Variants in ZFP28 observed in about 807,000 individuals in gnomAD.
ZFP28 encodes ZFP28 zinc finger protein.
In ZFP28, 31 loss-of-function variants were observed where a neutral mutation model predicts 39.5. The ratio of observed to expected loss-of-function variants is 0.79; its 90% CI spans 0.59 to 1.06. ZFP28 has a LOEUF of 1.06. Ranked by LOEUF, ZFP28 falls within the 50% of genes least tolerant of loss-of-function variation. ZFP28 has a pLI of 0.00. For synonymous variants in ZFP28, 400 were observed against 378.6 expected (o/e 1.06, Z -0.66); for missense variants, 925 against 1,048.4 (o/e 0.88, Z 1.63).
chr19:56,539,652 C>A lies in ZFP28; in HGVS notation c.236C>A (p.Pro79His). 6.2e-7 allele frequency: 1 copy of A among 1,614,098 alleles called. No individual in the cohort carries two copies. The highest frequency in any genetic ancestry group is 1.1e-5 in the South Asian group (1 of 91,076). ...RALPSRDTAL[P>H]QERNKKLEAV... is the part of the protein sequence containing the mutation. ...CTGCCTTCCAGGGACACTGCTCTTC[C>A]CCAGGAGAGAAACAAGAAGCTGGAG... is the stretch of plus-strand genomic sequence containing the variant. The change falls in exon 2 of 8, where the codon CCC becomes CAC. Residue 79 changes from proline (P) to histidine (H), a missense_variant. Around this residue, in one of 2 missense-constraint regions of ZFP28, gnomAD observed 556 missense variants for 542.9 expected, o/e 1.02. Transcript: ENST00000301318.
Position 56,549,104 on chromosome 19 carries a change from C to G in ZFP28, c.670C>G (p.Leu224Val), listed in dbSNP as rs779970138. Residue 224 changes from leucine (L) to valine (V), a missense_variant, in exon 5 of 8, where the codon CTG becomes GTG. Physicochemically the swap from Leu to Val is conservative, Grantham distance 32. Coordinates refer to ENST00000301318, the MANE Select transcript of ZFP28 (RefSeq NM_020828.2). The stretch of plus-strand genomic sequence containing the variant: ...AGGGGAACACTGGGATTATGATGCT[C>G]TGTTTGAGACACAGCCGGTAAGTCA... ...LLGEHWDYDALFETQPGLVTI... is the reference protein window; with the variant it reads ...LLGEHWDYDAVFETQPGLVTI... 3 of 1,607,312 alleles carry G rather than the reference C, an allele frequency of 1.9e-6. No individual in the cohort carries two copies. The highest frequency in any genetic ancestry group is 4.5e-5 in the East Asian group (2 of 44,716).
chr19:56,550,805 C>A, intron 7 of ZFP28, 200 bp downstream of exon 7: 1 of 1,503,880 alleles, frequency 6.6e-7, no homozygotes, highest in South Asian at 1.3e-5. Context: ...TGCCATTTCC[C>A]TGAAGTTCCT....
chr19:56,549,420 G>T (rs2044273662), intron 5 of ZFP28, among the ~76,000 whole-genome samples: 1 of 152,136 alleles, frequency 6.6e-6, no homozygotes, highest in East Asian at 1.9e-4. Flanking sequence ...GCTCACGCCT[G>T]TAATCCCAGC....
chr19:56,540,647 T>A (rs2044187855), intron 2 of ZFP28, among the ~76,000 whole-genome samples: 1 of 152,244 alleles, frequency 6.6e-6, no homozygotes, highest in East Asian at 1.9e-4. Context: ...TTGTGCTGGA[T>A]GAGGCCACAG....
At chr19:56,549,406 G>A (rs374528866) in intron 5 of ZFP28, among the ~76,000 whole-genome samples, 18 of 149,688 alleles carry the variant, frequency 1.2e-4, no homozygotes, top group East Asian at 5.8e-4. Flanking sequence ...GGCCAGGCGC[G>A]GTGGCTCACG....
chr19:56,538,798 GGGGCGGGGCGGGGCGGGGCGGGGC>G (rs2044160428), upstream of ZFP28: 1 of 114,032 alleles, frequency 8.8e-6, no homozygotes, highest in Admixed American at 8.4e-5. Context: ...GGGGCGGGGC[GGGGCGGGGCGGGGCGGGGCGGGGC>G]GGGGCGGGGC....
Position 56,539,163 on chromosome 19 carries a change from T to G in ZFP28, c.145T>G (p.Ser49Ala), listed in dbSNP as rs1212447903. The G allele has an allele frequency of 6.2e-7, 1 of 1,601,336 alleles. No individual in the cohort carries two copies. The highest frequency in any genetic ancestry group is 2.3e-5 in the East Asian group (1 of 44,416). ...CCTCCCTGCCCGGGGAAGGCCGCGC[T>G]CAAGGAATGGCCTCGCATCCAAAGG... Reference protein sequence around the residue: ...LALPARGRPRSRNGLASKGQR... With the variant: ...LALPARGRPRARNGLASKGQR... Residue 49 changes from serine to alanine, a missense_variant, in exon 1 of 8, where the codon TCA (serine) becomes GCA (alanine). Coordinates refer to ENST00000301318, the MANE Select transcript of ZFP28 (RefSeq NM_020828.2).
Position 56,539,041 on chromosome 19 carries a change from G to A in ZFP28, c.23G>A (p.Ser8Asn). The A allele has an allele frequency of 6.8e-7, 1 of 1,469,604 alleles. No homozygotes were observed. The highest frequency in any genetic ancestry group is 9.0e-7 in the Non-Finnish European group (1 of 1,117,170). The allele number at this position is 1,469,604 out of a possible 1,614,324, so 91.0% of individuals were successfully genotyped here. The change falls in exon 1 of 8, where the codon AGT becomes AAT. Residue 8 changes from serine to asparagine, a missense_variant. Around this residue, in one of 2 missense-constraint regions of ZFP28, gnomAD observed 556 missense variants for 542.9 expected, o/e 1.02. Transcript: ENST00000301318. Reference protein sequence around the residue: MRGAASASVREPTPLPGR... With the variant: MRGAASANVREPTPLPGR... ...GACATGCGGGGGGCGGCGAGCGCGA[G>A]TGTCCGCGAGCCGACGCCGCTCCCG...
chr19:56,546,953 G>A (rs1163678280), intron 2 of ZFP28: 1 of 152,296 alleles, frequency 6.6e-6, no homozygotes, highest in Non-Finnish European at 1.5e-5. Context: ...TGGAGTTTAA[G>A]ACAGAATGAG....
At position 56,539,244 on chromosome 19, in the gene ZFP28, T is replaced by G; in HGVS notation, c.208+18T>G. ...GCACAGAGGTGAGAGTGACAGGTGT[T>G]TGGGGCCGAGCGGACAGGGACGAAT... On this transcript the variant is annotated intron_variant, in intron 1 of 7. Coordinates refer to ENST00000301318, the MANE Select transcript of ZFP28 (RefSeq NM_020828.2). 6.3e-7 allele frequency: 1 copy of G among 1,581,532 alleles called. No homozygotes were observed. Among genetic ancestry groups the G allele is most frequent in the African/African-American group, 1.3e-5 (1 of 74,302 alleles).
intron 7 of ZFP28, chr19:56,551,256 A>G: frequency 1.0e-6 from 1 of 986,712 alleles, no homozygotes; most frequent in Non-Finnish European, 1.2e-6. Context: ...CTTGATGCAC[A>G]AGGGAAAGAA....
chr19:56,543,484 A>G (rs1261213296), intron 2 of ZFP28, among the ~76,000 whole-genome samples: 1 of 151,862 alleles, frequency 6.6e-6, no homozygotes, highest in Admixed American at 6.6e-5. Context: ...GGTGTACTAC[A>G]GCCTCAAACT....
chr19:56,549,803 G>GGTTCATACTGTGTGTAA (rs963388906), intron 5 of ZFP28, among the ~76,000 whole-genome samples: 20 of 152,118 alleles, frequency 1.3e-4, no homozygotes, highest in Non-Finnish European at 2.5e-4. Context: ...TCTGTTAAAA[G>GGTTCATACTGTGTGTAA]GTTCATACTG....
At position 56,554,457 on chromosome 19, in the gene ZFP28, G is replaced by GA; in HGVS notation, c.1677dup (p.Pro560ThrfsTer3). On this transcript the variant is annotated frameshift_variant, in exon 8 of 8. Coordinates refer to ENST00000301318, the MANE Select transcript of ZFP28 (RefSeq NM_020828.2). LOFTEE classifies it low-confidence loss of function (END_TRUNC). The surrounding 1 kb of genome is among the most constrained non-coding windows in gnomAD (Gnocchi z 6.7). ...TGTACATCAAAGGATTCATACCGGAGAAAAACCATATGAATGTGATGTTTG... is the reference window on the plus strand; with the variant it reads ...TGTACATCAAAGGATTCATACCGGAGAAAAAACCATATGAATGTGATGTTTG... 6.2e-7 allele frequency: 1 copy of GA among 1,614,164 alleles called. No individual in the cohort carries two copies. The highest frequency in any genetic ancestry group is 8.5e-7 in the Non-Finnish European group (1 of 1,180,042).
At chr19:56,545,719 G>A (rs1207935946) in intron 2 of ZFP28, 2 of 152,230 alleles carry the variant, frequency 1.3e-5, no homozygotes, top group African/African-American at 4.8e-5. Flanking sequence ...GGGACCTGTG[G>A]GCTGGAGCCT....
At chr19:56,544,003 A>G (rs2044218529) in intron 2 of ZFP28, among the ~76,000 whole-genome samples, 1 of 152,190 alleles carries the variant, frequency 6.6e-6, no homozygotes, top group African/African-American at 2.4e-5. Context: ...AAGTGACCAC[A>G]TTTTCTTCAT....
rs779475767 is a variant in ZFP28, at chr19:56,555,232, A to C, written c.2447A>C (p.Lys816Thr). ...VHTGERSYNY[K>T]KSRKVFRQTA... is the part of the protein sequence containing the mutation. ...ACTGGAGAGAGATCTTATAACTATA[A>C]GAAAAGCAGAAAAGTCTTCAGGCAA... Residue 816 changes from lysine to threonine, a missense_variant, in exon 8 of 8, where the codon AAG becomes ACG. This residue lies in a region of ZFP28 where 369 missense variants were observed against 505.5 expected (regional missense o/e 0.73). Coordinates refer to ENST00000301318, the MANE Select transcript of ZFP28 (RefSeq NM_020828.2). The C allele has an allele frequency of 2.5e-6, 4 of 1,614,226 alleles. No individual in the cohort carries two copies. Among genetic ancestry groups the C allele is most frequent in the Non-Finnish European group, 8.5e-7 (1 of 1,180,044 alleles).
chr19:56,550,494 C>T lies in ZFP28; in HGVS notation c.803-16C>T. On this transcript the variant is annotated splice_polypyrimidine_tract_variant and intron_variant, in intron 6 of 7. Coordinates refer to ENST00000301318, the MANE Select transcript of ZFP28 (RefSeq NM_020828.2). ...CAAGACTATTGGCCAAACCTCATCTCTTTTCACTTTTTCAGGACATTGTGT... is the reference window on the plus strand; with the variant it reads ...CAAGACTATTGGCCAAACCTCATCTTTTTTCACTTTTTCAGGACATTGTGT... 1 of 1,611,168 alleles carries T rather than the reference C, an allele frequency of 6.2e-7. No homozygotes were observed.
chr19:56,540,314 A>C (rs1048814844), intron 2 of ZFP28, among the ~76,000 whole-genome samples: 2 of 152,260 alleles, frequency 1.3e-5, no homozygotes, highest in African/African-American at 4.8e-5. Flanking sequence ...CACAGTAAAG[A>C]AAGACAACAT....
Sources: allele counts gnomAD v4.1 joint callset (sites outside exome capture counted in the v4.1 genomes callset), GRCh38; gene constraint gnomAD v4.1.1; regional missense constraint gnomAD v4.1.1; non-coding constraint Gnocchi (gnomAD v3.1); transcripts MANE v1.5; gene names NCBI Gene and HGNC (gene_info 2026-07-23, HGNC 2026-07-21).